Variants in RBFOX1 observed in about 807,000 individuals in gnomAD.
RBFOX1 encodes RNA binding fox-1 homolog 1.
In RBFOX1, 8 loss-of-function variants were observed where a neutral mutation model predicts 57.7. That is an observed-to-expected ratio of 0.14 (90% confidence interval 0.08 to 0.25). The LOEUF is 0.25. Among genes scored for constraint, RBFOX1 ranks in the 10% least tolerant of loss-of-function variants. The pLI, the probability that RBFOX1 is intolerant of heterozygous loss-of-function variation, is 1.00. For missense variants in RBFOX1, 611 were observed against 548.5 expected (o/e 1.11, Z -1.14); for synonymous variants, 326 against 222.4 (o/e 1.47, Z -4.15).
intron 3 of RBFOX1, among the ~76,000 whole-genome samples, chr16:7,024,584 T>C (rs948325383): frequency 5.3e-5 from 8 of 152,148 alleles, no homozygotes; most frequent in African/African-American, 1.9e-4. Context: ...GTAAGGGATA[T>C]ATTGCAAGCG....
At chr16:6,863,454 T>C (rs2059358950) in intron 3 of RBFOX1, among the ~76,000 whole-genome samples, 1 of 152,084 alleles carries the variant, frequency 6.6e-6, no homozygotes, top group Admixed American at 6.6e-5. Context: ...AAGTTTTGCC[T>C]TCTGCTACCT....
intron 3 of RBFOX1, among the ~76,000 whole-genome samples, chr16:5,668,358 C>G (rs1025996099): frequency 6.6e-6 from 1 of 152,152 alleles, no homozygotes; most frequent in Non-Finnish European, 1.5e-5. Context: ...GCTGAATAAG[C>G]CTTGAAGCAA....
chr16:5,953,166 T>C (rs1345867405), intron 4 of RBFOX1, among the ~76,000 whole-genome samples: 1 of 152,168 alleles, frequency 6.6e-6, no homozygotes, highest in East Asian at 1.9e-4. Flanking sequence ...GTGATTCTAA[T>C]ATTCAGTTAA....
exon 3 of RBFOX1, chr16:5,599,444 C>G: frequency 3.6e-6 from 2 of 551,220 alleles, no homozygotes; most frequent in Non-Finnish European, 6.4e-6. Flanking sequence ...GCAGTGAATT[C>G]CCGTGTATCC....
At chr16:7,700,650 T>TTGA (rs1190642243) in intron 14 of RBFOX1, among the ~76,000 whole-genome samples, 2 of 152,206 alleles carry the variant, frequency 1.3e-5, no homozygotes, top group African/African-American at 4.8e-5. Flanking sequence ...AAGGATGGCC[T>TTGA]TGAGCTCTGC....
At chr16:5,945,387 T>G (rs4786794) in intron 4 of RBFOX1, among the ~76,000 whole-genome samples, 109,518 of 152,128 alleles carry the variant, frequency 0.72, 40,298 homozygotes, top group African/African-American at 0.88. Flanking sequence ...TGAGGAATGG[T>G]ATTCTGCTGC....
chr16:5,680,235 T>C (rs1165213397), intron 3 of RBFOX1, among the ~76,000 whole-genome samples: 1 of 152,128 alleles, frequency 6.6e-6, no homozygotes, highest in Non-Finnish European at 1.5e-5. Flanking sequence ...TTGGGTGCAG[T>C]GTGGCTTAAT....
intron 1 of RBFOX1, among the ~76,000 whole-genome samples, chr16:6,072,930 C>G (rs559461117): frequency 2.0e-5 from 3 of 152,226 alleles, no homozygotes; most frequent in African/African-American, 7.2e-5. Context: ...CCAAGCTCAT[C>G]AAATTGTATA....
At chr16:7,217,421 G>A (rs1056649810) in intron 4 of RBFOX1, among the ~76,000 whole-genome samples, 7 of 149,738 alleles carry the variant, frequency 4.7e-5, no homozygotes, top group South Asian at 2.1e-4. Context: ...GAACCACCAC[G>A]TCCAGCCAGG....
chr16:6,976,435 G>A (rs548157053), intron 3 of RBFOX1, among the ~76,000 whole-genome samples: 1 of 152,118 alleles, frequency 6.6e-6, no homozygotes, highest in South Asian at 2.1e-4. Flanking sequence ...ATACATCTGT[G>A]GCTATTGGTT....
intron 3 of RBFOX1, among the ~76,000 whole-genome samples, chr16:6,725,411 G>A (rs2066969296): frequency 2.6e-5 from 4 of 151,970 alleles, no homozygotes; most frequent in Admixed American, 1.3e-4. Context: ...CCTGTACCTG[G>A]TGCCGACCAT....
Position 5,596,629 on chromosome 16 carries a change from G to T in RBFOX1, c.259-2273G>T, listed in dbSNP as rs2047192218. Among the ~76,000 whole-genome samples, 5 of 152,322 alleles carry T rather than the reference G, an allele frequency of 3.3e-5. No homozygotes were observed. The South Asian group carries it at 1.0e-3, about 32-fold the overall frequency. ...TCCCAGGGCATCTAGTAACACTTGG[G>T]TCTTGTCACTGGGTTGAAATCTGCT... On this transcript the variant is annotated intron_variant, in intron 2 of 2. Transcript: ENST00000585867.
chr16:7,259,404 A>C (rs1227491890), intron 4 of RBFOX1, among the ~76,000 whole-genome samples: 1 of 152,128 alleles, frequency 6.6e-6, no homozygotes, highest in Admixed American at 6.6e-5. Flanking sequence ...TTCCTAGGGC[A>C]GGAACTTTTT....
At chr16:7,013,576 G>A (rs1257313342) in intron 3 of RBFOX1, among the ~76,000 whole-genome samples, 2 of 152,196 alleles carry the variant, frequency 1.3e-5, no homozygotes, top group Admixed American at 6.5e-5. Flanking sequence ...AGAAACTCTG[G>A]TATAACCTAT....
At chr16:6,538,641 T>G (rs7201743) in intron 2 of RBFOX1, among the ~76,000 whole-genome samples, 1 of 152,224 alleles carries the variant, frequency 6.6e-6, no homozygotes, top group South Asian at 2.1e-4. Flanking sequence ...TATTGCTGGT[T>G]GGATTGCAGA....
At chr16:7,418,776 C>T (rs1254385655) in intron 4 of RBFOX1, among the ~76,000 whole-genome samples, 2 of 152,180 alleles carry the variant, frequency 1.3e-5, no homozygotes, top group African/African-American at 2.4e-5. Context: ...GTGTCTGTGT[C>T]TCTATCTCTG....
intron 4 of RBFOX1, among the ~76,000 whole-genome samples, chr16:5,925,096 A>T (rs2058914665): frequency 6.6e-6 from 1 of 151,974 alleles, no homozygotes; most frequent in Non-Finnish European, 1.5e-5. Flanking sequence ...TTCCACACCA[A>T]CCCTTGTCTC....
At chr16:7,389,537 C>G (rs190734977) in intron 4 of RBFOX1, among the ~76,000 whole-genome samples, 6 of 152,112 alleles carry the variant, frequency 3.9e-5, no homozygotes, top group Non-Finnish European at 8.8e-5. Context: ...CTTAATCTTG[C>G]GAACAACTCT....
intron 4 of RBFOX1, among the ~76,000 whole-genome samples, chr16:7,146,863 T>C (rs1433417195): frequency 6.7e-6 from 1 of 149,230 alleles, no homozygotes; most frequent in African/African-American, 2.5e-5. Flanking sequence ...GGTGGGAGGA[T>C]CATCTGAACC....
Sources: gnomAD v4.1 joint callset for allele counts (sites outside exome capture counted in the v4.1 genomes callset) on GRCh38, gnomAD v4.1.1 for gene constraint, MANE v1.5 for transcripts, NCBI Gene and HGNC (gene_info 2026-07-23, HGNC 2026-07-21) for gene names.